The following UBTD2 variants were observed in gnomAD, a reference collection of about 807,000 sequenced individuals.
UBTD2 encodes the protein ubiquitin domain containing 2.
A neutral mutation model predicts 19.8 loss-of-function variants in UBTD2; 9 were observed. The observed-to-expected ratio is 0.46, with a 90% CI of 0.27 to 0.79. The LOEUF (loss-of-function observed/expected upper bound fraction) is 0.79. UBTD2 is among the 30% of genes least tolerant of loss of function. The pLI is 0.14. For missense variants in UBTD2, 250 were observed against 300.4 expected (o/e 0.83, Z 1.24); for synonymous variants, 98 against 103.9 (o/e 0.94, Z 0.35).
chr5:172,264,495 A>G (rs1755332689), intron 1 of UBTD2, among the ~76,000 whole-genome samples: 1 of 150,924 alleles, frequency 6.6e-6, no homozygotes, highest in South Asian at 2.1e-4. Context: ...GAGCCGAGAT[A>G]GTGCCACTGC....
intron 1 of UBTD2, among the ~76,000 whole-genome samples, chr5:172,245,772 A>G (rs1581222061): frequency 6.6e-6 from 1 of 152,176 alleles, no homozygotes; most frequent in East Asian, 1.9e-4. Flanking sequence ...CCCCACAGTA[A>G]CCTAAATGGT....
intron 1 of UBTD2, among the ~76,000 whole-genome samples, chr5:172,251,327 G>GAAAAAAAAAAAAAAAAA (rs1554129191): frequency 6.7e-5 from 7 of 104,872 alleles, no homozygotes; most frequent in African/African-American, 2.2e-4. Context: ...AAAAAAAAAA[G>GAAAAAAAAAAAAAAAAA]AAAATAGCCA....
At chr5:172,231,625 G>A (rs2113890731) in intron 2 of UBTD2, among the ~76,000 whole-genome samples, 1 of 152,288 alleles carries the variant, frequency 6.6e-6, no homozygotes, top group Non-Finnish European at 1.5e-5. Flanking sequence ...TATACAGAAT[G>A]CAACCAGGTA....
At chr5:172,244,539 C>T (rs1029304276) in intron 1 of UBTD2, among the ~76,000 whole-genome samples, 7 of 151,646 alleles carry the variant, frequency 4.6e-5, no homozygotes, top group Admixed American at 2.0e-4. Flanking sequence ...CTTAGATGAT[C>T]CGCCCGCCTT....
chr5:172,255,730 G>A (rs1755130726), intron 1 of UBTD2, among the ~76,000 whole-genome samples: 1 of 152,162 alleles, frequency 6.6e-6, no homozygotes, highest in African/African-American at 2.4e-5. Flanking sequence ...CCCCGGGGCT[G>A]GCAGGGTAAG....
chr5:172,245,694 A>G (rs1754863425), intron 1 of UBTD2, among the ~76,000 whole-genome samples: 1 of 150,340 alleles, frequency 6.7e-6, no homozygotes, highest in Non-Finnish European at 1.5e-5. Context: ...CCTGGGTGAC[A>G]CAGTAAGACA....
At chr5:172,215,347 G>C (rs940440915) in intron 2 of UBTD2, among the ~76,000 whole-genome samples, 3 of 152,140 alleles carry the variant, frequency 2.0e-5, no homozygotes, top group Non-Finnish European at 4.4e-5. Context: ...GGTTTTATCA[G>C]AGCCTAACTA....
intron 1 of UBTD2, among the ~76,000 whole-genome samples, chr5:172,277,067 CAAAAAAAAAAAAAAAA>C (rs56277139): frequency 1.4e-4 from 9 of 65,120 alleles, no homozygotes; most frequent in South Asian, 1.2e-3. Flanking sequence ...GACTCTGTCT[CAAAAAAAAAAAAAAAA>C]AAAAAAAAAA....
chr5:172,220,471 A>C (rs1307072148), intron 2 of UBTD2, among the ~76,000 whole-genome samples: 1 of 152,174 alleles, frequency 6.6e-6, no homozygotes, highest in East Asian at 1.9e-4. Context: ...CTCCATCTCT[A>C]CTAAAAATAC....
chr5:172,233,433 T>TCTC (rs139124609), intron 2 of UBTD2, among the ~76,000 whole-genome samples: 49,011 of 151,704 alleles, frequency 0.32, 7,949 homozygotes, highest in South Asian at 0.42. Flanking sequence ...CATGAAAAAT[T>TCTC]CTATGTTTCT....
In UBTD2 at chr5:172,209,742, T is replaced by C. The variant is rs773530361; in HGVS notation, c.*2088A>G. 5.9e-5 allele frequency: 9 copies of C among 152,426 alleles called. No individual in the cohort carries two copies. Among genetic ancestry groups the C allele is most frequent in the Non-Finnish European group, 1.0e-4 (7 of 67,988 alleles). The allele number at this position is 152,426 out of a possible 1,614,324, so 9.4% of individuals were successfully genotyped here. On this transcript the variant is annotated 3_prime_UTR_variant, in exon 3 of 3. Coordinates refer to ENST00000393792, the MANE Select transcript of UBTD2 (RefSeq NM_152277.3). ...ACTGGTCCAATCTTATATCAATCTA[T>C]TTACAATTAAACAGCACCATGGTTT...
intron 1 of UBTD2, among the ~76,000 whole-genome samples, chr5:172,251,978 A>G (rs1416351565): frequency 2.6e-5 from 4 of 152,250 alleles, no homozygotes; most frequent in African/African-American, 9.6e-5. Context: ...TGTTATAAAG[A>G]TTTAACGAGG....
chr5:172,216,990 C>A (rs1771556768), intron 2 of UBTD2, among the ~76,000 whole-genome samples: 1 of 151,816 alleles, frequency 6.6e-6, no homozygotes, highest in Non-Finnish European at 1.5e-5. Context: ...ACACACAAAA[C>A]AAAGACAGAA....
chr5:172,269,766 A>G (rs1020339229), intron 1 of UBTD2, among the ~76,000 whole-genome samples: 1 of 149,650 alleles, frequency 6.7e-6, no homozygotes, highest in Non-Finnish European at 1.5e-5. Context: ...AAAGTTAAAC[A>G]CATTTTTTTT....
intron 2 of UBTD2, among the ~76,000 whole-genome samples, chr5:172,219,319 G>A (rs1008233000): frequency 6.6e-5 from 10 of 152,046 alleles, no homozygotes; most frequent in African/African-American, 2.2e-4. Context: ...ATTTCTCTTG[G>A]TCAACTGTGG....
chr5:172,263,066 T>C (rs1177442587), intron 1 of UBTD2, among the ~76,000 whole-genome samples: 1 of 152,014 alleles, frequency 6.6e-6, no homozygotes, highest in Non-Finnish European at 1.5e-5. Flanking sequence ...GCCCCCCAAG[T>C]AGCTGGGACT....
rs189828550 is a variant in UBTD2, at chr5:172,274,386, G to A, written c.70+9210C>T. On this transcript the variant is annotated intron_variant, in intron 1 of 2. Coordinates refer to ENST00000393792, the MANE Select transcript of UBTD2 (RefSeq NM_152277.3). ...GATCTCCTGACCTCATGATCCGCCC[G>A]CCTCAGCCTCCCAAAGTGCTGGGAT... Among the ~76,000 whole-genome samples the A allele has an allele frequency of 6.5e-3, 993 of 151,950 alleles. 7 individuals carry two copies. The highest frequency in any genetic ancestry group is 0.01 in the Non-Finnish European group (708 of 67,952).
At chr5:172,248,327 T>C (rs939876210) in intron 1 of UBTD2, among the ~76,000 whole-genome samples, 1 of 152,128 alleles carries the variant, frequency 6.6e-6, no homozygotes, top group Admixed American at 6.5e-5. Context: ...GGGTGGCTCA[T>C]GCCTATAATC....
Position 172,261,608 on chromosome 5 carries a change from T to G in UBTD2, c.70+21988A>C, listed in dbSNP as rs79344252. Among the ~76,000 whole-genome samples the G allele has an allele frequency of 8.4e-3, 1,269 of 151,828 alleles. 17 individuals carry two copies. The highest frequency in any genetic ancestry group is 0.06 in the East Asian group (309 of 5,166). On this transcript the variant is annotated intron_variant, in intron 1 of 2. Transcript: ENST00000393792. The stretch of plus-strand genomic sequence containing the variant: ...TAGATAATAACTGTGTTTACTGTCA[T>G]GAAGGAAACCACTCACATACACTTT...
Sources: gnomAD v4.1 joint callset for allele counts (sites outside exome capture counted in the v4.1 genomes callset) on GRCh38, gnomAD v4.1.1 for gene constraint, MANE v1.5 for transcripts, NCBI Gene and HGNC (gene_info 2026-07-23, HGNC 2026-07-21) for gene names.